NTNG2: variants seen among roughly 807,000 people sequenced by gnomAD.
The protein encoded by NTNG2 is netrin-G2.
In NTNG2, 15 loss-of-function variants were observed where a neutral mutation model predicts 47.6. The ratio of observed to expected loss-of-function variants is 0.32; its 90% CI spans 0.21 to 0.49. NTNG2 has a LOEUF of 0.49. NTNG2 is among the 20% of genes least tolerant of loss of function. NTNG2 has a pLI of 0.99. For missense variants in NTNG2, 578 were observed against 764.6 expected (o/e 0.76, Z 2.88); for synonymous variants, 307 against 324.6 (o/e 0.95, Z 0.58).
rs1564425021 is a variant in NTNG2, at chr9:132,215,059, T to TA, written c.858-11788dup. Among the ~76,000 whole-genome samples the TA allele has an allele frequency of 1.4e-5, 2 of 145,620 alleles. No individual in the cohort carries two copies. Among genetic ancestry groups the TA allele is most frequent in the South Asian group, 2.2e-4 (1 of 4,534 alleles). ...GCCCTGATAAATTTTGTGTTTTTTT[T>TA]AATTTTTTTGTAGAGATTGGGGGGG... is the stretch of plus-strand genomic sequence containing the variant. On this transcript the variant is annotated intron_variant, in intron 3 of 7. Transcript: ENST00000393229. The surrounding 1 kb of genome is among the most constrained non-coding windows in gnomAD (Gnocchi z 4.2).
At chr9:132,227,195 GCA>G (rs1290614317) in intron 4 of NTNG2, among the ~76,000 whole-genome samples, 174 bp downstream of exon 4, 7 of 152,180 alleles carry the variant, frequency 4.6e-5, no homozygotes, top group African/African-American at 1.4e-4. Context: ...ACAGGCATGG[GCA>G]CACATATGAA....
intron 2 of NTNG2, among the ~76,000 whole-genome samples, chr9:132,185,223 G>A (rs963961850): frequency 2.6e-5 from 4 of 152,136 alleles, no homozygotes; most frequent in Non-Finnish European, 5.9e-5. Flanking sequence ...TGCTTCCCCC[G>A]ACCCCCTTCC....
intron 2 of NTNG2, among the ~76,000 whole-genome samples, chr9:132,188,640 G>A (rs1454759314): frequency 3.3e-5 from 5 of 152,180 alleles, no homozygotes; most frequent in Admixed American, 1.3e-4. Flanking sequence ...GCTCCCTAAC[G>A]GCGGGGCCTG....
chr9:132,179,854 G>A (rs556165506), intron 2 of NTNG2, among the ~76,000 whole-genome samples: 1 of 152,272 alleles, frequency 6.6e-6, no homozygotes, highest in South Asian at 2.1e-4. Context: ...GAGTTCGAAT[G>A]GTCGTTCTGA....
intron 3 of NTNG2, among the ~76,000 whole-genome samples, chr9:132,200,069 T>C (rs1413447190): frequency 1.3e-5 from 2 of 152,158 alleles, no homozygotes. Context: ...CAAGCATAAG[T>C]CTCTTGCTGG....
At chr9:132,175,476 C>T (rs907752280) in intron 2 of NTNG2, among the ~76,000 whole-genome samples, 2 of 152,146 alleles carry the variant, frequency 1.3e-5, no homozygotes, top group African/African-American at 4.8e-5. Context: ...GGCCCCTGAC[C>T]GGGGCTGACC....
At chr9:132,206,539 C>G (rs1839177041) in intron 3 of NTNG2, among the ~76,000 whole-genome samples, 1 of 152,182 alleles carries the variant, frequency 6.6e-6, no homozygotes, top group Non-Finnish European at 1.5e-5. Flanking sequence ...TGGTGGCGTG[C>G]ACCTGTAATC....
At chr9:132,230,525 G>T (rs372135737) in intron 4 of NTNG2, 47 bp from the exon 5 acceptor site, 1 of 1,574,610 alleles carries the variant, frequency 6.4e-7, no homozygotes, top group South Asian at 1.2e-5. Flanking sequence ...TGACACCCAG[G>T]CCCCTTCCCC....
rs865873874 is a variant in NTNG2, at chr9:132,221,527, C to G, written c.858-5322C>G. Among the ~76,000 whole-genome samples, 1 of 152,240 alleles carries G rather than the reference C, an allele frequency of 6.6e-6. No homozygotes were observed. The highest frequency in any genetic ancestry group is 2.1e-4 in the South Asian group (1 of 4,836). ...TGCCAGCCTTGCCAGCCTTTCCCCA[C>G]ACAGTGCCAGCTCCTCCCTGCAGCC... On this transcript the variant is annotated intron_variant, in intron 3 of 7. Transcript: ENST00000393229. The surrounding 1 kb of genome is among the most constrained non-coding windows in gnomAD (Gnocchi z 4.2).
At chr9:132,168,505 AG>A (rs1484488263) in intron 2 of NTNG2, among the ~76,000 whole-genome samples, 2 of 151,904 alleles carry the variant, frequency 1.3e-5, no homozygotes, top group Non-Finnish European at 2.9e-5. Context: ...AGTGGTGATG[AG>A]GCTGTCACTG....
At chr9:132,235,295 T>C (rs1237651785) in intron 5 of NTNG2, among the ~76,000 whole-genome samples, 4 of 152,184 alleles carry the variant, frequency 2.6e-5, no homozygotes, top group Admixed American at 1.3e-4. Flanking sequence ...CTCAGAGAGG[T>C]CTGGGCCCAG....
At position 132,242,059 on chromosome 9, in the gene NTNG2, C is replaced by A; in HGVS notation, c.1541C>A (p.Thr514Asn). The A allele has an allele frequency of 8.1e-7, 1 of 1,231,800 alleles. No homozygotes were observed. Among genetic ancestry groups the A allele is most frequent in the Admixed American group, 4.4e-5 (1 of 22,918 alleles). The allele number at this position is 1,231,800 out of a possible 1,614,324, so 76.3% of individuals were successfully genotyped here. Residue 514 changes from threonine (T) to asparagine (N), a missense_variant, in exon 8 of 8, where the codon ACC (threonine) becomes AAC (asparagine). Coordinates refer to ENST00000393229, the MANE Select transcript of NTNG2 (RefSeq NM_032536.4). The surrounding 1 kb of genome is among the most constrained non-coding windows in gnomAD (Gnocchi z 5.9). ...CCCGGGGCCGCCCCGCGCCCCGCCA[C>A]CCTGCTCGGCTGCCTGCTGCTGCTG... ...RAPGAAPRPATLLGCLLLLGL... is the reference protein window; with the variant it reads ...RAPGAAPRPANLLGCLLLLGL...
chr9:132,187,234 A>C (rs1434616401), intron 2 of NTNG2, among the ~76,000 whole-genome samples: 1 of 152,248 alleles, frequency 6.6e-6, no homozygotes, highest in Admixed American at 6.5e-5. Flanking sequence ...CTGGGGAGGC[A>C]GCGCTTGGAG....
chr9:132,198,043 CA>C lies in NTNG2; in HGVS notation c.293del (p.Lys98ArgfsTer36). On this transcript the variant is annotated frameshift_variant, in exon 3 of 8. Coordinates refer to ENST00000393229, the MANE Select transcript of NTNG2 (RefSeq NM_032536.4). LOFTEE classifies it high-confidence loss of function. ...LAHPPRLMFD[K>X]EEEGLATYWQ... The stretch of plus-strand genomic sequence containing the variant: ...CCCACCCGCCCAGGCTCATGTTCGA[CA>C]AGGAGGAGGAGGGCCTGGCCACCTA... 1 of 1,613,734 alleles carries C rather than the reference CA, an allele frequency of 6.2e-7. No individual in the cohort carries two copies. The highest frequency in any genetic ancestry group is 8.5e-7 in the Non-Finnish European group (1 of 1,180,022).
chr9:132,239,514 T>G (rs2131043252), intron 6 of NTNG2, among the ~76,000 whole-genome samples: 1 of 152,334 alleles, frequency 6.6e-6, no homozygotes, highest in Non-Finnish European at 1.5e-5. Context: ...AACTTACCAG[T>G]GGCCCTTCCC....
chr9:132,198,323 C>T lies in NTNG2; in HGVS notation c.571C>T (p.His191Tyr). 2 of 1,612,786 alleles carry T rather than the reference C, an allele frequency of 1.2e-6. No individual in the cohort carries two copies. Among genetic ancestry groups the T allele is most frequent in the Non-Finnish European group, 1.7e-6 (2 of 1,179,888 alleles). The change falls in exon 3 of 8, where the codon CAC becomes TAC. Residue 191 changes from histidine (H) to tyrosine (Y), a missense_variant. Transcript: ENST00000393229. ...RARDMSSSSA[H>Y]RVLCTEEYSR... ...CCGCGACATGTCATCCTCCAGCGCG[C>T]ACCGCGTGCTCTGCACCGAGGAGTA...
rs1409148676 is a variant in NTNG2 at position 132,180,941 on chromosome 9, G to A, written c.213+13897G>A. On this transcript the variant is annotated intron_variant, in intron 2 of 7. Coordinates refer to ENST00000393229, the MANE Select transcript of NTNG2 (RefSeq NM_032536.4). The surrounding 1 kb of genome is among the most constrained non-coding windows in gnomAD (Gnocchi z 4.2). ...CATATAAGGTTGCAAACACTTTCAGGGACTTCCCAGATTTCTCTGAGTCCA... is the reference window on the plus strand; with the variant it reads ...CATATAAGGTTGCAAACACTTTCAGAGACTTCCCAGATTTCTCTGAGTCCA... Among the ~76,000 whole-genome samples the A allele has an allele frequency of 6.6e-6, 1 of 152,170 alleles. No individual in the cohort carries two copies. Among genetic ancestry groups the A allele is most frequent in the East Asian group, 1.9e-4 (1 of 5,188 alleles).
At chr9:132,172,928 A>T (rs1252046286) in intron 2 of NTNG2, among the ~76,000 whole-genome samples, 3 of 151,862 alleles carry the variant, frequency 2.0e-5, no homozygotes, top group African/African-American at 7.3e-5. Flanking sequence ...ACGGGGTTTC[A>T]CTGTGTTAGC....
Position 132,197,838 on chromosome 9 carries a change from GGA to G in NTNG2, c.214-126_214-125del. On this transcript the variant is annotated intron_variant, in intron 2 of 7. Coordinates refer to ENST00000393229, the MANE Select transcript of NTNG2 (RefSeq NM_032536.4). The surrounding 1 kb of genome is among the most constrained non-coding windows in gnomAD (Gnocchi z 4.3). ...AATCTCCCAGCTGTGTCTGGGCACC[GGA>G]GCACAGGCCCTGTAGCCACAGAGCA... The G allele has an allele frequency of 1.2e-6, 1 of 843,832 alleles. No homozygotes were observed. The allele number at this position is 843,832 out of a possible 1,614,324, so 52.3% of individuals were successfully genotyped here.
Sources: gnomAD v4.1 joint callset for allele counts (sites outside exome capture counted in the v4.1 genomes callset) on GRCh38, gnomAD v4.1.1 for gene constraint, Gnocchi (gnomAD v3.1) non-coding constraint, MANE v1.5 for transcripts, NCBI Gene and HGNC (gene_info 2026-07-23, HGNC 2026-07-21) for gene names.